The following MLLT10 variants were observed in gnomAD, a reference collection of about 807,000 sequenced individuals.
MLLT10 encodes the protein MLLT10 histone lysine methyltransferase DOT1L cofactor, also known as protein AF-10.
MLLT10 carries 30 observed loss-of-function variants against 129.1 expected under a neutral mutation model. The observed-to-expected ratio is 0.23, with a 90% CI of 0.17 to 0.32. The LOEUF is 0.32. MLLT10 is among the 10% of genes least tolerant of loss of function. The probability of loss-of-function intolerance (pLI) is 1.00; values close to 1 mark genes in which losing one functional copy is unlikely to be tolerated. For synonymous variants in MLLT10, 490 were observed against 446.4 expected (o/e 1.10, Z -1.23); for missense variants, 1,119 against 1,268.3 (o/e 0.88, Z 1.79).
At chr10:21,697,505 C>G (rs1046864928) in intron 13 of MLLT10, among the ~76,000 whole-genome samples, 1 of 152,096 alleles carries the variant, frequency 6.6e-6, no homozygotes, top group Non-Finnish European at 1.5e-5. Flanking sequence ...TGATTTTTTC[C>G]TACTTTCGCA....
At chr10:21,736,390 T>G (rs969854730) in intron 21 of MLLT10, among the ~76,000 whole-genome samples, 2 of 152,206 alleles carry the variant, frequency 1.3e-5, no homozygotes, top group African/African-American at 4.8e-5. Context: ...GCTCAAGTGA[T>G]CCTCCTGCCT....
At chr10:21,732,443 C>T (rs568909773) in intron 17 of MLLT10, among the ~76,000 whole-genome samples, 159 of 152,282 alleles carry the variant, frequency 1.0e-3, no homozygotes, top group African/African-American at 3.6e-3. Context: ...GGCAGCACTT[C>T]GTTTAAACCG....
Position 21,733,910 on chromosome 10 carries a change from G to A in MLLT10, c.2639G>A (p.Ser880Asn), listed in dbSNP as rs2058146801. 1.2e-6 allele frequency: 2 copies of A among 1,614,084 alleles called. No individual in the cohort carries two copies. Among genetic ancestry groups the A allele is most frequent in the Admixed American group, 1.7e-5 (1 of 60,004 alleles). The change falls in exon 20 of 23, where the codon AGT becomes AAT. Residue 880 changes from serine to asparagine, a missense_variant. By Grantham distance (46) the Ser-to-Asn change is conservative. This residue lies in a region of MLLT10 where 1,004 missense variants were observed against 1,008.7 expected (regional missense o/e 1.00). Coordinates refer to ENST00000307729, the MANE Select transcript of MLLT10 (RefSeq NM_001195626.3). The stretch of plus-strand genomic sequence containing the variant: ...GGCGTGACAGTGGGGGCACTAGCTA[G>A]TGGAATGCAGCCTGTAACTTCCACC... ...VNGVTVGALASGMQPVTSTIP... is the reference protein window; with the variant it reads ...VNGVTVGALANGMQPVTSTIP...
intron 13 of MLLT10, among the ~76,000 whole-genome samples, chr10:21,698,761 C>G (rs1465109066): frequency 2.0e-5 from 3 of 152,200 alleles, no homozygotes; most frequent in Admixed American, 6.5e-5. Context: ...CTAATCATAG[C>G]CATTCTAACT....
chr10:21,538,060 G>T (rs2034383916), intron 2 of MLLT10, among the ~76,000 whole-genome samples: 1 of 151,772 alleles, frequency 6.6e-6, no homozygotes, highest in Admixed American at 6.6e-5. Context: ...GAGCACAGTG[G>T]TGTGATTATG....
intron 13 of MLLT10, chr10:21,688,602 G>C: frequency 7.0e-7 from 1 of 1,436,768 alleles, no homozygotes; most frequent in Non-Finnish European, 9.6e-7. Flanking sequence ...ATTGTAGCTT[G>C]GAAACCTTCC....
At chr10:21,543,975 G>A (rs1371360652) in intron 3 of MLLT10, among the ~76,000 whole-genome samples, 1 of 151,942 alleles carries the variant, frequency 6.6e-6, no homozygotes, top group African/African-American at 2.4e-5. Context: ...TCTTTCTGCC[G>A]ACTTACTGTG....
At chr10:21,539,539 C>T (rs770823623) in intron 3 of MLLT10, among the ~76,000 whole-genome samples, 8 of 151,194 alleles carry the variant, frequency 5.3e-5, no homozygotes, top group South Asian at 2.1e-4. Context: ...TTTGGGAGGC[C>T]GAGGCGGGAG....
chr10:21,670,482 G>A lies in MLLT10; in HGVS notation c.829G>A (p.Gly277Arg), dbSNP rs138015114. The A allele has an allele frequency of 9.9e-6, 16 of 1,613,812 alleles. No homozygotes were observed. The highest frequency in any genetic ancestry group is 2.7e-5 in the African/African-American group (2 of 74,892). The change falls in exon 10 of 23, where the codon GGA becomes AGA. Residue 277 changes from glycine (G) to arginine (R), a missense_variant. This residue lies in a region of MLLT10 where 1,004 missense variants were observed against 1,008.7 expected (regional missense o/e 1.00). Coordinates refer to ENST00000307729, the MANE Select transcript of MLLT10 (RefSeq NM_001195626.3). ...YTSTSNNSISGSLKRLEDTTA... is the reference protein window; with the variant it reads ...YTSTSNNSISRSLKRLEDTTA... ...AAGCACTAGCAACAACTCTATATCTGGATCATTGAAGCGCTTGGAAGATAC... is the reference window on the plus strand; with the variant it reads ...AAGCACTAGCAACAACTCTATATCTAGATCATTGAAGCGCTTGGAAGATAC...
chr10:21,577,986 C>G (rs2040970748), intron 3 of MLLT10, among the ~76,000 whole-genome samples: 1 of 152,030 alleles, frequency 6.6e-6, no homozygotes, highest in South Asian at 2.1e-4. Context: ...ACCTCTGCCT[C>G]CCGGGTTCAA....
At chr10:21,625,004 G>T in intron 8 of MLLT10, 1 of 1,057,330 alleles carries the variant, frequency 9.5e-7, no homozygotes. Flanking sequence ...TTACTGCATA[G>T]CCACCATCAT....
chr10:21,717,589 TTCC>T (rs1373592714), intron 14 of MLLT10, among the ~76,000 whole-genome samples: 2 of 117,618 alleles, frequency 1.7e-5, no homozygotes, highest in African/African-American at 3.3e-5. Flanking sequence ...TTTCTTCCTC[TTCC>T]TCTTCTTTCT....
At chr10:21,570,656 A>G (rs61850044) in intron 3 of MLLT10, among the ~76,000 whole-genome samples, 34,785 of 151,244 alleles carry the variant, frequency 0.23, 5,119 homozygotes, top group Middle Eastern at 0.46. Context: ...TGTATTTTTC[A>G]TCTTAGACTT....
chr10:21,548,507 A>G (rs2036463105), intron 3 of MLLT10, among the ~76,000 whole-genome samples: 1 of 151,540 alleles, frequency 6.6e-6, no homozygotes, highest in African/African-American at 2.4e-5. Context: ...GTAGCTGGGA[A>G]TACAGGTGCC....
At position 21,717,993 on chromosome 10, in the gene MLLT10, C is replaced by T. The variant is rs549434753; in HGVS notation, c.1878+4043C>T. On this transcript the variant is annotated intron_variant, in intron 14 of 22. Coordinates refer to ENST00000307729, the MANE Select transcript of MLLT10 (RefSeq NM_001195626.3). ...TCTTCTTTTTGAGACTACAGGTGCCCGCCACCACGCCTGGCTAATTTTTGT... is the reference window on the plus strand; with the variant it reads ...TCTTCTTTTTGAGACTACAGGTGCCTGCCACCACGCCTGGCTAATTTTTGT... Among the ~76,000 whole-genome samples the T allele has an allele frequency of 2.2e-4, 33 of 149,714 alleles. 1 individual carries two copies. The highest frequency in any genetic ancestry group is 7.3e-4 in the African/African-American group (29 of 39,688).
At chr10:21,706,626 C>T (rs1007195507) in intron 13 of MLLT10, among the ~76,000 whole-genome samples, 3 of 152,128 alleles carry the variant, frequency 2.0e-5, no homozygotes, top group Non-Finnish European at 4.4e-5. Context: ...CCTGAATAAG[C>T]CACTGGATGG....
At chr10:21,544,935 C>G (rs915807801) in intron 3 of MLLT10, among the ~76,000 whole-genome samples, 6 of 152,140 alleles carry the variant, frequency 3.9e-5, no homozygotes, top group Non-Finnish European at 5.9e-5. Flanking sequence ...CACCTGAGAT[C>G]GGGAGTTTGA....
intron 4 of MLLT10, among the ~76,000 whole-genome samples, chr10:21,590,728 C>T (rs977373561): frequency 1.3e-5 from 2 of 152,098 alleles, no homozygotes; most frequent in African/African-American, 4.8e-5. Context: ...GACTTGTGTT[C>T]TGGTTTTTTC....
intron 16 of MLLT10, among the ~76,000 whole-genome samples, chr10:21,728,314 T>G (rs2057678299): frequency 6.6e-6 from 1 of 152,234 alleles, no homozygotes; most frequent in Non-Finnish European, 1.5e-5. Context: ...TAGTCTCTAG[T>G]TCCTAATTCA....
Sources: allele counts gnomAD v4.1 joint callset (sites outside exome capture counted in the v4.1 genomes callset), GRCh38; gene constraint gnomAD v4.1.1; regional missense constraint gnomAD v4.1.1; transcripts MANE v1.5; gene names NCBI Gene and HGNC (gene_info 2026-07-23, HGNC 2026-07-21).